Variants in FCAR observed in about 807,000 individuals in gnomAD.
The protein encoded by FCAR is Fc alpha receptor.
FCAR carries 21 observed loss-of-function variants against 27.1 expected under a neutral mutation model. That is an observed-to-expected ratio of 0.77 (90% CI 0.55 to 1.11). The LOEUF is 1.11. Ranked by LOEUF, FCAR falls within the 50% of genes most tolerant of loss-of-function variation. FCAR has a pLI of 0.00. For missense variants in FCAR, 404 were observed against 358.4 expected (o/e 1.13, Z -1.03); for synonymous variants, 134 against 135.8 (o/e 0.99, Z 0.09).
chr19:54,880,997 G>T (rs2066377236), intron 2 of FCAR: 1 of 152,322 alleles, frequency 6.6e-6, no homozygotes, highest in Admixed American at 6.5e-5. Flanking sequence ...GCTGGCTGCA[G>T]ATCTGGGCTC....
rs890949007 is a variant in FCAR at position 54,888,467 on chromosome 19, G to A, written c.649+173G>A. On this transcript the variant is annotated intron_variant, in intron 4 of 4. Coordinates refer to ENST00000355524, the MANE Select transcript of FCAR (RefSeq NM_002000.4). The stretch of plus-strand genomic sequence containing the variant: ...CCACACTTTCCGCTTTCACTTCCTC[G>A]CTAGAGTTCTCCAGACAGGGTTCAT... The A allele has an allele frequency of 2.4e-5, 35 of 1,428,852 alleles. No individual in the cohort carries two copies. The African/African-American group carries it at 3.7e-4, about 15-fold the overall frequency. 88.5% of individuals were successfully genotyped at this position (1,428,852 alleles called of 1,614,324 possible). A position where few individuals can be genotyped will look rare whatever the true frequency, so the allele number is the denominator to read the frequency against.
chr19:54,879,349 A>G (rs1262835842), intron 2 of FCAR, among the ~76,000 whole-genome samples: 4 of 152,054 alleles, frequency 2.6e-5, no homozygotes, highest in Non-Finnish European at 4.4e-5. Flanking sequence ...TCACTGGTTT[A>G]TGTACGTAAG....
chr19:54,882,929 G>A (rs749493799), intron 2 of FCAR, among the ~76,000 whole-genome samples: 2 of 152,084 alleles, frequency 1.3e-5, no homozygotes, highest in Non-Finnish European at 2.9e-5. Context: ...TTTGAAGTGT[G>A]ATCCAGTAGG....
In FCAR at chr19:54,888,183, T is replaced by C. The variant is rs2066864244; in HGVS notation, c.538T>C (p.Leu180=). The change falls in exon 4 of 5, where the codon TTG becomes CTG. Residue 180 remains leucine, a synonymous_variant. Transcript: ENST00000355524. ...QSGEHPANFS[L]GPVDLNVSGI... ...TGGGGAACACCCGGCCAACTTCTCT[T>C]TGGGTCCTGTGGACCTCAATGTCTC... 6.2e-7 allele frequency: 1 copy of C among 1,614,166 alleles called. No individual in the cohort carries two copies. The highest frequency in any genetic ancestry group is 8.5e-7 in the Non-Finnish European group (1 of 1,180,010).
In FCAR at chr19:54,885,489, T is replaced by A. The variant is rs587603137; in HGVS notation, c.325T>A (p.Phe109Ile). The change falls in exon 3 of 5, where the codon TTC becomes ATC. Residue 109 changes from phenylalanine to isoleucine, a missense_variant. Phe to Ile is a conservative substitution (Grantham distance 21). Transcript: ENST00000355524. The part of the protein sequence containing the change: ...QCQYRIGHYR[F>I]RYSDTLELVV... ...CCAATATAGGATAGGGCACTACAGG[T>A]TCCGGTACAGTGACACCCTGGAGCT... is the stretch of plus-strand genomic sequence containing the variant. The A allele has an allele frequency of 7.6e-5, 122 of 1,613,548 alleles. No individual in the cohort carries two copies. The East Asian group carries it at 9.1e-4, about 12-fold the overall frequency.
At chr19:54,887,389 G>C (rs1298002174) in intron 3 of FCAR, among the ~76,000 whole-genome samples, 1 of 152,138 alleles carries the variant, frequency 6.6e-6, no homozygotes, top group Non-Finnish European at 1.5e-5. Context: ...GGGAGGCTGA[G>C]GCAGGTGGAT....
chr19:54,885,111 T>A (rs2066629859), intron 2 of FCAR, 124 bp from the exon 3 acceptor site: 1 of 886,918 alleles, frequency 1.1e-6, no homozygotes, highest in Non-Finnish European at 1.7e-6. Flanking sequence ...CGGCCTAAAT[T>A]TTTTTTTAAA....
intron 3 of FCAR, among the ~76,000 whole-genome samples, chr19:54,887,259 G>A (rs903300149): frequency 1.3e-5 from 2 of 152,152 alleles, no homozygotes; most frequent in African/African-American, 2.4e-5. Flanking sequence ...GCAGTGAGCC[G>A]TGATTATGCC....
chr19:54,887,874 G>C, intron 3 of FCAR, 133 bp from the exon 4 acceptor site: 1 of 626,268 alleles, frequency 1.6e-6, no homozygotes, highest in Non-Finnish European at 2.5e-6. Context: ...CTGAGATCAC[G>C]CCACTGCACT....
At chr19:54,883,569 C>T (rs906682430) in intron 2 of FCAR, among the ~76,000 whole-genome samples, 1 of 152,162 alleles carries the variant, frequency 6.6e-6, no homozygotes, top group East Asian at 1.9e-4. Flanking sequence ...AGAATGAGGG[C>T]TCCTCACGGC....
At chr19:54,874,844 G>A (rs1346826418) in intron 1 of FCAR, among the ~76,000 whole-genome samples, 1 of 152,110 alleles carries the variant, frequency 6.6e-6, no homozygotes, top group Admixed American at 6.5e-5. Context: ...CCCTCCTCCA[G>A]GATTTTTTTC....
intron 2 of FCAR, among the ~76,000 whole-genome samples, chr19:54,877,693 A>G (rs1020785385): frequency 6.6e-6 from 1 of 151,858 alleles, no homozygotes; most frequent in African/African-American, 2.4e-5. Flanking sequence ...TTAGGTTGTT[A>G]ATTTGAACTT....
intron 2 of FCAR, among the ~76,000 whole-genome samples, chr19:54,879,934 C>T (rs768360320): frequency 2.0e-4 from 30 of 152,208 alleles, no homozygotes; most frequent in Admixed American, 2.0e-3. Flanking sequence ...ATCCGCCCGC[C>T]TTGGTCTCCC....
Position 54,885,336 on chromosome 19 carries a change from A to G in FCAR, c.172A>G (p.Thr58Ala). 1 of 1,614,030 alleles carries G rather than the reference A, an allele frequency of 6.2e-7. No individual in the cohort carries two copies. The highest frequency in any genetic ancestry group is 8.5e-7 in the Non-Finnish European group (1 of 1,179,996). ...CCAGGCCATTCGTGAAGCTTACCTG[A>G]CCCAGCTGATGATCATAAAAAACTC... ...QCQAIREAYL[T>A]QLMIIKNSTY... Residue 58 changes from threonine to alanine, a missense_variant, in exon 3 of 5, where the codon ACC (threonine) becomes GCC (alanine). By Grantham distance (58) the Thr-to-Ala change is moderately conservative. Coordinates refer to ENST00000355524, the MANE Select transcript of FCAR (RefSeq NM_002000.4).
chr19:54,878,206 C>T lies in FCAR; in HGVS notation c.70+2841C>T, dbSNP rs587768549. 1.9e-4 allele frequency among the ~76,000 whole-genome samples: 29 copies of T among 152,176 alleles called. No individual in the cohort carries two copies. The East Asian group carries it at 3.1e-3, about 16-fold the overall frequency. The stretch of plus-strand genomic sequence containing the variant: ...TGCTGGGATTACAGGTGTGAGCCAC[C>T]GTGCCCAGCCTGCTAAGGATTGCTG... On this transcript the variant is annotated intron_variant, in intron 2 of 4. Coordinates refer to ENST00000355524, the MANE Select transcript of FCAR (RefSeq NM_002000.4).
Position 54,889,043 on chromosome 19 carries a change from G to C in FCAR, c.650-606G>C, listed in dbSNP as rs587753867. 11 of 242,892 alleles carry C rather than the reference G, an allele frequency of 4.5e-5. No individual in the cohort carries two copies. The South Asian group carries it at 1.5e-3, about 34-fold the overall frequency. 15.0% of individuals were successfully genotyped at this position (242,892 alleles called of 1,614,324 possible). ...AGATCACGCCATTGCACTCCAGCCT[G>C]GGTGACAGAACGAGACTCCACCTCA... is the stretch of plus-strand genomic sequence containing the variant. On this transcript the variant is annotated intron_variant, in intron 4 of 4. Transcript: ENST00000355524.
chr19:54,879,143 C>G (rs1355026574), intron 2 of FCAR, among the ~76,000 whole-genome samples: 1 of 152,042 alleles, frequency 6.6e-6, no homozygotes, highest in East Asian at 1.9e-4. Flanking sequence ...TCCCAAAGTG[C>G]CAGGGTTACA....
At chr19:54,883,657 C>G (rs1403898818) in intron 2 of FCAR, among the ~76,000 whole-genome samples, 1 of 152,110 alleles carries the variant, frequency 6.6e-6, no homozygotes, top group Admixed American at 6.5e-5. Flanking sequence ...CAGTGCTTCC[C>G]AGGGGAACAC....
chr19:54,883,620 T>G (rs1461313376), intron 2 of FCAR, among the ~76,000 whole-genome samples: 1 of 151,838 alleles, frequency 6.6e-6, no homozygotes, highest in African/African-American at 2.4e-5. Context: ...TCAGCAAGGG[T>G]GATTGGAGCC....
Sources: gnomAD v4.1 joint callset for allele counts (sites outside exome capture counted in the v4.1 genomes callset) on GRCh38, gnomAD v4.1.1 for gene constraint, MANE v1.5 for transcripts, NCBI Gene and HGNC (gene_info 2026-07-23, HGNC 2026-07-21) for gene names.